The following MEF2A variants were observed in gnomAD, a reference collection of about 807,000 sequenced individuals.
The protein encoded by MEF2A is myocyte-specific enhancer factor 2A.
In MEF2A, 28 loss-of-function variants were observed where a neutral mutation model predicts 55.8. The observed-to-expected ratio is 0.50, with a 90% CI of 0.37 to 0.69. The LOEUF (loss-of-function observed/expected upper bound fraction) is 0.69, where lower values mean the gene tolerates loss of function less well. MEF2A is among the 30% of genes least tolerant of loss of function. The pLI is 0.00. For missense variants in MEF2A, 528 were observed against 626.2 expected (o/e 0.84, Z 1.67); for synonymous variants, 239 against 227.1 (o/e 1.05, Z -0.47).
At chr15:99,589,532 C>G (rs1567172836) in intron 1 of MEF2A, among the ~76,000 whole-genome samples, 1 of 152,058 alleles carries the variant, frequency 6.6e-6, no homozygotes, top group Non-Finnish European at 1.5e-5. Context: ...TCCCTTACCT[C>G]TACTTTTAGT....
chr15:99,702,062 G>A (rs545869059), intron 8 of MEF2A, among the ~76,000 whole-genome samples: 3 of 152,296 alleles, frequency 2.0e-5, no homozygotes, highest in East Asian at 3.9e-4. Flanking sequence ...AAAACCATAT[G>A]TTTTACACAT....
chr15:99,650,004 T>C (rs2046581820), intron 4 of MEF2A, among the ~76,000 whole-genome samples: 1 of 152,200 alleles, frequency 6.6e-6, no homozygotes, highest in Admixed American at 6.5e-5. Flanking sequence ...ATTATTGTGC[T>C]GTCATTTAAG....
rs111574944 is a variant in MEF2A at position 99,595,579 on chromosome 15, G to A, written c.-224-2851G>A. Among the ~76,000 whole-genome samples the A allele has an allele frequency of 9.5e-4, 144 of 152,170 alleles. 1 individual carries two copies. Among genetic ancestry groups the A allele is most frequent in the African/African-American group, 3.4e-3 (141 of 41,510 alleles). ...TCCAAATGAATTATATTGAATCCTG[G>A]GCCAGATATTGAGTAGATATTGGGG... On this transcript the variant is annotated intron_variant, in intron 1 of 11. Coordinates refer to ENST00000557942, the MANE Select transcript of MEF2A (RefSeq NM_001319206.4).
intron 5 of MEF2A, chr15:99,671,718 T>C: frequency 7.1e-7 from 1 of 1,417,918 alleles, no homozygotes; most frequent in South Asian, 1.7e-5. Flanking sequence ...ACCAAACATC[T>C]TGTTGCTTAT....
intron 1 of MEF2A, among the ~76,000 whole-genome samples, chr15:99,574,289 C>G (rs949020331): frequency 3.3e-5 from 5 of 152,120 alleles, no homozygotes; most frequent in African/African-American, 1.2e-4. Flanking sequence ...GCAGCTATTA[C>G]CAGCCTTTTT....
chr15:99,578,881 G>A (rs1965126837), intron 1 of MEF2A, among the ~76,000 whole-genome samples: 1 of 152,214 alleles, frequency 6.6e-6, no homozygotes, highest in Non-Finnish European at 1.5e-5. Flanking sequence ...AATCATTAAG[G>A]AATATATAAG....
intron 2 of MEF2A, among the ~76,000 whole-genome samples, chr15:99,630,975 C>A (rs974163526): frequency 2.6e-5 from 4 of 152,174 alleles, no homozygotes; most frequent in Admixed American, 6.5e-5. Context: ...GCAGATGAGT[C>A]CAGAGACTGG....
At chr15:99,641,974 TTTTG>T (rs969671798) in intron 3 of MEF2A, among the ~76,000 whole-genome samples, 36 of 152,364 alleles carry the variant, frequency 2.4e-4, no homozygotes, top group African/African-American at 4.8e-4. Context: ...GACTGGTTTT[TTTTG>T]TTTGTTTGTT....
At chr15:99,640,254 G>T (rs1013145030) in intron 3 of MEF2A, among the ~76,000 whole-genome samples, 1 of 152,094 alleles carries the variant, frequency 6.6e-6, no homozygotes, top group Admixed American at 6.5e-5. Context: ...ATAATTGTAT[G>T]TACCACAATG....
Position 99,674,702 on chromosome 15 carries a change from T to G in MEF2A, c.610+90T>G. 3 of 1,086,298 alleles carry G rather than the reference T, an allele frequency of 2.8e-6. No homozygotes were observed. In the South Asian group the frequency reaches 4.3e-5, roughly 16 times the overall value. 67.3% of individuals were successfully genotyped at this position (1,086,298 alleles called of 1,614,324 possible). A position where few individuals can be genotyped will look rare whatever the true frequency, so the allele number is the denominator to read the frequency against. ...TAAGCAGTTTCTTATTTTGCTATTCTTTTATTGCTTTGATGAGCAAGAATC... is the reference window on the plus strand; with the variant it reads ...TAAGCAGTTTCTTATTTTGCTATTCGTTTATTGCTTTGATGAGCAAGAATC... On this transcript the variant is annotated intron_variant, in intron 6 of 11. Transcript: ENST00000557942.
At chr15:99,684,754 A>T (rs1294158875) in intron 7 of MEF2A, among the ~76,000 whole-genome samples, 1 of 152,070 alleles carries the variant, frequency 6.6e-6, no homozygotes, top group East Asian at 1.9e-4. Flanking sequence ...TGGGTTCTTG[A>T]TCATGAACCC....
chr15:99,705,059 G>A lies in MEF2A; in HGVS notation c.883-1670G>A, dbSNP rs181241044. On this transcript the variant is annotated intron_variant, in intron 9 of 11. Transcript: ENST00000557942. The stretch of plus-strand genomic sequence containing the variant: ...TGCCAGAACCAAAATATAATCAGAA[G>A]CACAGTCCGTTACAACTTAGAAAGT... Among the ~76,000 whole-genome samples, 89 of 152,272 alleles carry A rather than the reference G, an allele frequency of 5.8e-4. 1 individual carries two copies. The highest frequency in any genetic ancestry group is 1.5e-3 in the African/African-American group (61 of 41,534).
intron 4 of MEF2A, among the ~76,000 whole-genome samples, chr15:99,651,429 C>G (rs561848351): frequency 6.6e-6 from 1 of 152,222 alleles, no homozygotes; most frequent in Admixed American, 6.5e-5. Context: ...ATGGAACAGA[C>G]AGGGAGTATT....
At chr15:99,705,415 G>A (rs918627835) in intron 9 of MEF2A, among the ~76,000 whole-genome samples, 1 of 152,152 alleles carries the variant, frequency 6.6e-6, no homozygotes, top group Non-Finnish European at 1.5e-5. Context: ...AACCTCATTT[G>A]ATTCTCACAG....
chr15:99,710,870 T>C, intron 11 of MEF2A, 110 bp downstream of exon 11: 1 of 1,252,932 alleles, frequency 8.0e-7, no homozygotes, highest in Non-Finnish European at 1.1e-6. Flanking sequence ...AATCCTGTAA[T>C]GATTCCTTTT....
intron 4 of MEF2A, among the ~76,000 whole-genome samples, chr15:99,663,629 A>G (rs938865044): frequency 6.6e-6 from 1 of 152,126 alleles, no homozygotes; most frequent in Non-Finnish European, 1.5e-5. Flanking sequence ...TTTTAAATAT[A>G]GAATTTCTTG....
intron 2 of MEF2A, among the ~76,000 whole-genome samples, chr15:99,604,317 T>C (rs958250159): frequency 1.3e-5 from 2 of 152,194 alleles, no homozygotes; most frequent in Admixed American, 6.5e-5. Context: ...TTGGCACTGA[T>C]ACTGCTTTTG....
chr15:99,709,734 G>A (rs1040484704), intron 10 of MEF2A, among the ~76,000 whole-genome samples: 1 of 152,208 alleles, frequency 6.6e-6, no homozygotes, highest in African/African-American at 2.4e-5. Context: ...CCCCGTGTGA[G>A]TGATAACTAA....
At chr15:99,685,333 A>G (rs746244477) in intron 7 of MEF2A, among the ~76,000 whole-genome samples, 208 of 151,952 alleles carry the variant, frequency 1.4e-3, no homozygotes, top group Non-Finnish European at 2.3e-3. Context: ...TGAGCATGAG[A>G]TGTGTTTCCA....
Sources: gnomAD v4.1 joint callset for allele counts (sites outside exome capture counted in the v4.1 genomes callset) on GRCh38, gnomAD v4.1.1 for gene constraint, MANE v1.5 for transcripts, NCBI Gene and HGNC (gene_info 2026-07-23, HGNC 2026-07-21) for gene names.